The following NIPBL variants were observed in gnomAD, a reference collection of about 807,000 sequenced individuals.
NIPBL encodes NIPBL cohesin loading factor, also known as nipped-B-like protein.
In NIPBL, 19 loss-of-function variants were observed where a neutral mutation model predicts 321.8. The observed-to-expected ratio is 0.06, with a 90% CI of 0.04 to 0.09. NIPBL has a LOEUF of 0.09. Among genes scored for constraint, NIPBL ranks in the 10% least tolerant of loss-of-function variants. NIPBL has a pLI of 1.00. For synonymous variants in NIPBL, 1,106 were observed against 1,114.1 expected, an observed-to-expected ratio of 0.99 and a Z score of 0.14; for missense variants, 2,210 against 3,327.0, an observed-to-expected ratio of 0.66 and a Z score of 8.26.
At chr5:37,049,501 G>A (rs1323755944) in intron 40 of NIPBL, among the ~76,000 whole-genome samples, 200 bp downstream of exon 40, 1 of 152,024 alleles carries the variant, frequency 6.6e-6, no homozygotes, top group Non-Finnish European at 1.5e-5. Context: ...TATTGTCTCT[G>A]TTATAAACTT....
rs1369995222 is a variant in NIPBL, at chr5:36,876,802, A to G, written c.-456A>G. Reference sequence around the variant, plus strand: ...CTGAGAGGGAGAGACGGAACGAGAGAGAGACACACACAGGGCTCCTTCCCC... The same window carrying G: ...CTGAGAGGGAGAGACGGAACGAGAGGGAGACACACACAGGGCTCCTTCCCC... On this transcript the variant is annotated 5_prime_UTR_variant, in exon 1 of 47. Coordinates refer to ENST00000282516, the MANE Select transcript of NIPBL (RefSeq NM_133433.4). 5 of 397,160 alleles carry G rather than the reference A, an allele frequency of 1.3e-5. No individual in the cohort carries two copies. The highest frequency in any genetic ancestry group is 2.2e-5 in the Non-Finnish European group (5 of 225,082). The allele number at this position is 397,160 out of a possible 1,614,324, so 24.6% of individuals were successfully genotyped here. A position where few individuals can be genotyped will look rare whatever the true frequency, so the allele number is the denominator to read the frequency against.
Position 37,058,894 on chromosome 5 carries a change from A to T in NIPBL, c.7414A>T (p.Met2472Leu), listed in dbSNP as rs1264310290. ...ATCAAACGATTTTTTCTTTCAGTCT[A>T]TGGTAAAGGACAAAAGGAAAGAGAG... ...SNLLQSFKES[M>L]VKDKRKERKS... The change falls in exon 44 of 47, where the codon ATG (methionine) becomes TTG (leucine). Residue 2472 changes from methionine (M) to leucine (L), a missense_variant. By Grantham distance (15) the Met-to-Leu change is conservative (BLOSUM62 2). Transcript: ENST00000282516. The T allele has an allele frequency of 6.2e-7, 1 of 1,613,812 alleles. No homozygotes were observed. Among genetic ancestry groups the T allele is most frequent in the Admixed American group, 1.7e-5 (1 of 59,952 alleles).
intron 40 of NIPBL, 65 bp from the exon 41 acceptor site, chr5:37,051,714 G>C (rs1297020940): frequency 1.8e-6 from 2 of 1,084,772 alleles, no homozygotes; most frequent in Non-Finnish European, 2.8e-6. Flanking sequence ...GAAAAGTTTT[G>C]ACATATGTCT....
At chr5:36,963,206 A>G (rs1253644680) in intron 6 of NIPBL, among the ~76,000 whole-genome samples, 1 of 152,144 alleles carries the variant, frequency 6.6e-6, no homozygotes, top group African/African-American at 2.4e-5. Context: ...GTTTTAAAGA[A>G]ATTTTTTAAA....
intron 43 of NIPBL, among the ~76,000 whole-genome samples, chr5:37,058,467 A>G (rs1356984458): frequency 6.6e-6 from 1 of 152,238 alleles, no homozygotes; most frequent in East Asian, 1.9e-4. Flanking sequence ...ATTGCTTATT[A>G]TCTTGCCGAA....
intron 37 of NIPBL, 69 bp downstream of exon 37, chr5:37,045,666 G>A (rs1046130644): frequency 4.0e-6 from 6 of 1,496,892 alleles, no homozygotes; most frequent in African/African-American, 1.4e-5. Context: ...GAGAATGACA[G>A]TAGTGACCCA....
chr5:37,066,323 G>A lies in NIPBL; in HGVS notation c.*1431G>A, dbSNP rs547015135. 4.6e-5 allele frequency: 7 copies of A among 152,198 alleles called. No homozygotes were observed. The highest frequency in any genetic ancestry group is 3.9e-4 in the Admixed American group (6 of 15,288). The allele number at this position is 152,198 out of a possible 1,614,324, so 9.4% of individuals were successfully genotyped here. On this transcript the variant is annotated 3_prime_UTR_variant, in exon 47 of 47. Transcript: ENST00000282516. Reference sequence around the variant, plus strand: ...TCCAGAATGCTGTTTTATGAAATTGGCAAATAAATGAAGGTATTCAATTTT... The same window carrying A: ...TCCAGAATGCTGTTTTATGAAATTGACAAATAAATGAAGGTATTCAATTTT...
intron 24 of NIPBL, 124 bp downstream of exon 24, chr5:37,017,286 G>A (rs1749099848): frequency 2.2e-6 from 2 of 914,890 alleles, no homozygotes; most frequent in Admixed American, 2.6e-5. Context: ...CTAAAAGTGG[G>A]CTTTTCAAAG....
intron 1 of NIPBL, among the ~76,000 whole-genome samples, chr5:36,891,433 A>G (rs1213535889): frequency 1.3e-5 from 2 of 152,102 alleles, no homozygotes; most frequent in Non-Finnish European, 2.9e-5. Flanking sequence ...CCTAATTTAG[A>G]CTAGTGTGGT....
At chr5:36,889,705 A>G (rs1276879174) in intron 1 of NIPBL, among the ~76,000 whole-genome samples, 4 of 152,156 alleles carry the variant, frequency 2.6e-5, no homozygotes, top group African/African-American at 9.7e-5. Context: ...CTGATATTTT[A>G]AACTGGAAGA....
rs778597604 is a variant in NIPBL, at chr5:36,952,053, T to TGTGCGCGCGCGC, written c.-79-1564_-79-1563insTGCGCGCGCGCG. ...GTGTGTGTGTGTGTGTGTGTGTGTG[T>TGTGCGCGCGCGC]GCGCGCGCGCGCGCGCGCGCATGTG... is the stretch of plus-strand genomic sequence containing the variant. On this transcript the variant is annotated intron_variant, in intron 1 of 46. Transcript: ENST00000282516. Among the ~76,000 whole-genome samples, 21 of 112,210 alleles carry TGTGCGCGCGCGC rather than the reference T, an allele frequency of 1.9e-4. 1 individual carries two copies. The highest frequency in any genetic ancestry group is 3.7e-4 in the Non-Finnish European group (20 of 53,682). The allele number at this position is 112,210 out of a possible 152,430, so 73.6% of individuals were successfully genotyped here. A position where few individuals can be genotyped will look rare whatever the true frequency, so the allele number is the denominator to read the frequency against.
At chr5:37,046,429 A>G (rs1752985640) in intron 38 of NIPBL, among the ~76,000 whole-genome samples, 1 of 152,200 alleles carries the variant, frequency 6.6e-6, no homozygotes, top group African/African-American at 2.4e-5. Flanking sequence ...CAGTTTCTTC[A>G]TTAGTAAAAT....
chr5:36,959,332 T>G (rs1741332887), intron 4 of NIPBL, among the ~76,000 whole-genome samples: 1 of 152,230 alleles, frequency 6.6e-6, no homozygotes, highest in Non-Finnish European at 1.5e-5. Flanking sequence ...CTTTGCTGAT[T>G]CTGTGTACTT....
At chr5:36,891,667 C>T (rs753060025) in intron 1 of NIPBL, among the ~76,000 whole-genome samples, 28 of 152,050 alleles carry the variant, frequency 1.8e-4, no homozygotes, top group Admixed American at 1.3e-3. Context: ...GTGGATATGC[C>T]TTACTAAGAA....
intron 32 of NIPBL, among the ~76,000 whole-genome samples, chr5:37,033,560 TA>T (rs35536025): frequency 4.8e-5 from 7 of 144,590 alleles, no homozygotes; most frequent in East Asian, 4.0e-4. Context: ...CCATAAGAAT[TA>T]AAAAAAAAAG....
At chr5:36,997,475 C>T (rs746994825) in intron 11 of NIPBL, among the ~76,000 whole-genome samples, 1 of 152,128 alleles carries the variant, frequency 6.6e-6, no homozygotes, top group African/African-American at 2.4e-5. Context: ...ATTCTTTTCC[C>T]CTTGCTTTCT....
chr5:36,909,115 G>C (rs973327705), intron 1 of NIPBL, among the ~76,000 whole-genome samples: 2 of 152,082 alleles, frequency 1.3e-5, no homozygotes, highest in African/African-American at 4.8e-5. Flanking sequence ...CACTTCTTGT[G>C]CTGGACTGCC....
chr5:37,006,450 A>T lies in NIPBL; in HGVS notation c.3949A>T (p.Ile1317Phe). Reference protein sequence around the residue: ...SADACLTTINIMTSPNMPKAV... With the variant: ...SADACLTTINFMTSPNMPKAV... ...GGATGCTTGTCTTACAACTATCAACATTATGACATCCCCTAACATGCCAAA... is the reference window on the plus strand; with the variant it reads ...GGATGCTTGTCTTACAACTATCAACTTTATGACATCCCCTAACATGCCAAA... The change falls in exon 17 of 47, where the codon ATT becomes TTT. Residue 1317 changes from isoleucine to phenylalanine, a missense_variant. By Grantham distance (21) the Ile-to-Phe change is conservative. Coordinates refer to ENST00000282516, the MANE Select transcript of NIPBL (RefSeq NM_133433.4). 6.2e-7 allele frequency: 1 copy of T among 1,612,804 alleles called. No individual in the cohort carries two copies. The highest frequency in any genetic ancestry group is 8.5e-7 in the Non-Finnish European group (1 of 1,178,922).
At position 37,017,003 on chromosome 5, in the gene NIPBL, C is replaced by A; in HGVS notation, c.4777-16C>A. Reference sequence around the variant, plus strand: ...TGTTATAAATCTATTCAATCAAAAACTATTTTGATATTTAGGTTCATCAGT... The same window carrying A: ...TGTTATAAATCTATTCAATCAAAAAATATTTTGATATTTAGGTTCATCAGT... On this transcript the variant is annotated splice_polypyrimidine_tract_variant and intron_variant, in intron 23 of 46. Coordinates refer to ENST00000282516, the MANE Select transcript of NIPBL (RefSeq NM_133433.4). 6.5e-7 allele frequency: 1 copy of A among 1,542,758 alleles called. No individual in the cohort carries two copies. The highest frequency in any genetic ancestry group is 8.9e-7 in the Non-Finnish European group (1 of 1,127,118).
Sources: allele counts gnomAD v4.1 joint callset (sites outside exome capture counted in the v4.1 genomes callset), GRCh38; gene constraint gnomAD v4.1.1; transcripts MANE v1.5; gene names NCBI Gene and HGNC (gene_info 2026-07-23, HGNC 2026-07-21).